SUSD4: variants seen among roughly 807,000 people sequenced by gnomAD.
SUSD4 encodes the protein sushi domain containing 4, also known as sushi domain-containing protein 4.
In SUSD4, 41 loss-of-function variants were observed where a neutral mutation model predicts 50.5. That is an observed-to-expected ratio of 0.81 (90% CI 0.63 to 1.05). SUSD4 has a LOEUF of 1.05. SUSD4 is among the 50% of genes least tolerant of loss of function. The pLI is 0.00. For missense variants in SUSD4, 580 were observed against 634.7 expected, an observed-to-expected ratio of 0.91 and a Z score of 0.93; for synonymous variants, 257 against 257.3, an observed-to-expected ratio of 1.00 and a Z score of 0.01.
At chr1:223,351,837 T>A (rs1668385389) in intron 2 of SUSD4, among the ~76,000 whole-genome samples, 1 of 152,084 alleles carries the variant, frequency 6.6e-6, no homozygotes, top group African/African-American at 2.4e-5. Context: ...ATAGTTTCAA[T>A]GTAAACTGAA....
chr1:223,271,928 T>C (rs1009413749), intron 3 of SUSD4, among the ~76,000 whole-genome samples: 1 of 152,172 alleles, frequency 6.6e-6, no homozygotes, highest in Non-Finnish European at 1.5e-5. Context: ...TAAACTAATC[T>C]AGTCAATAGA....
At chr1:223,313,175 G>C (rs1665977590) in intron 2 of SUSD4, among the ~76,000 whole-genome samples, 1 of 152,146 alleles carries the variant, frequency 6.6e-6, no homozygotes, top group South Asian at 2.1e-4. Context: ...ATGCCAGAAA[G>C]ATCAACCATG....
At chr1:223,320,764 C>T (rs1475303340) in intron 2 of SUSD4, among the ~76,000 whole-genome samples, 1 of 152,218 alleles carries the variant, frequency 6.6e-6, no homozygotes, top group Non-Finnish European at 1.5e-5. Flanking sequence ...ATGCCCTGAG[C>T]TCAGGAAGGG....
At chr1:223,241,709 G>A (rs906824123) in intron 5 of SUSD4, among the ~76,000 whole-genome samples, 32 of 152,216 alleles carry the variant, frequency 2.1e-4, no homozygotes, top group East Asian at 1.9e-3. Flanking sequence ...TTAGACCAGC[G>A]ATGGTTGTGG....
At chr1:223,258,851 C>T (rs1179114862) in intron 5 of SUSD4, among the ~76,000 whole-genome samples, 1 of 152,102 alleles carries the variant, frequency 6.6e-6, no homozygotes, top group Non-Finnish European at 1.5e-5. Context: ...GAAAGCAGAC[C>T]AGGCATCACG....
intron 2 of SUSD4, among the ~76,000 whole-genome samples, chr1:223,322,599 G>C (rs1190802081): frequency 6.6e-6 from 1 of 152,180 alleles, no homozygotes; most frequent in Non-Finnish European, 1.5e-5. Flanking sequence ...GAGATTAGAA[G>C]GGTAGGCAGC....
At chr1:223,230,272 A>G (rs1659806267) in intron 5 of SUSD4, among the ~76,000 whole-genome samples, 1 of 152,136 alleles carries the variant, frequency 6.6e-6, no homozygotes, top group African/African-American at 2.4e-5. Context: ...TTCTTGGATG[A>G]GGACTCAGAA....
At chr1:223,348,564 T>C (rs1386996584) in intron 2 of SUSD4, among the ~76,000 whole-genome samples, 1 of 152,190 alleles carries the variant, frequency 6.6e-6, no homozygotes, top group Non-Finnish European at 1.5e-5. Flanking sequence ...TGTTTTCAAT[T>C]GCCTTGGTGG....
At position 223,268,602 on chromosome 1, in the gene SUSD4, G is replaced by A; in HGVS notation, c.435C>T (p.Ile145=). ...GGATCTTGAATCCTTCATGACAAGT[G>A]ATGATTAGCTTCTCTCCATGTCTAT... ...KTYRHGEKLI[I]TCHEGFKIRY... Residue 145 remains isoleucine, a synonymous_variant, in exon 4 of 9, where the codon ATC becomes ATT. Coordinates refer to ENST00000366878, the MANE Select transcript of SUSD4 (RefSeq NM_017982.4). 6.2e-7 allele frequency: 1 copy of A among 1,614,140 alleles called. No homozygotes were observed. The highest frequency in any genetic ancestry group is 8.5e-7 in the Non-Finnish European group (1 of 1,180,028).
At chr1:223,266,988 G>A (rs918098214) in intron 4 of SUSD4, among the ~76,000 whole-genome samples, 2 of 152,218 alleles carry the variant, frequency 1.3e-5, no homozygotes, top group Non-Finnish European at 2.9e-5. Flanking sequence ...CCCCTCTGTG[G>A]GACAGAGGCC....
chr1:223,345,260 C>A (rs1348750818), intron 2 of SUSD4, among the ~76,000 whole-genome samples: 7 of 152,144 alleles, frequency 4.6e-5, no homozygotes, highest in Non-Finnish European at 1.0e-4. Flanking sequence ...GCACCACTAA[C>A]CCCCTCTCTG....
At chr1:223,298,485 G>T (rs979026486) in intron 2 of SUSD4, among the ~76,000 whole-genome samples, 2 of 152,062 alleles carry the variant, frequency 1.3e-5, no homozygotes, top group African/African-American at 4.8e-5. Context: ...AGTATGGGGG[G>T]CCAGAGGTAG....
rs1322584962 is a variant in SUSD4, at chr1:223,308,436, G to A, written c.149-15785C>T. On this transcript the variant is annotated intron_variant, in intron 2 of 8. Coordinates refer to ENST00000366878, the MANE Select transcript of SUSD4 (RefSeq NM_017982.4). ...GACGCCTCCCCAGAAGCCCAGCAGA[G>A]GCTAGCATCATGCTTCCTACACAGC... Among the ~76,000 whole-genome samples, 4 of 152,206 alleles carry A rather than the reference G, an allele frequency of 2.6e-5. No homozygotes were observed. In the East Asian group the frequency reaches 7.7e-4, roughly 29 times the overall value.
In SUSD4 at chr1:223,227,863, C is replaced by T; in HGVS notation, c.917-125G>A. ...ATGCGTGCAAGGTGCCTCTGACCCC[C>T]AGGGCTCGGCAGAGATACCATGTGC... On this transcript the variant is annotated intron_variant, in intron 6 of 8. Coordinates refer to ENST00000366878, the MANE Select transcript of SUSD4 (RefSeq NM_017982.4). This position sits in a 1 kb window ranked among gnomAD's most constrained non-coding sequence, Gnocchi z 4.5. The T allele has an allele frequency of 8.1e-7, 1 of 1,235,234 alleles. No homozygotes were observed. The highest frequency in any genetic ancestry group is 1.6e-5 in the South Asian group (1 of 64,466). 76.5% of individuals were successfully genotyped at this position (1,235,234 alleles called of 1,614,324 possible).
intron 2 of SUSD4, among the ~76,000 whole-genome samples, chr1:223,301,803 G>A (rs1380855609): frequency 1.3e-5 from 2 of 152,198 alleles, no homozygotes; most frequent in Admixed American, 6.5e-5. Flanking sequence ...GAACTAAAAT[G>A]AACCGTGTCA....
intron 2 of SUSD4, among the ~76,000 whole-genome samples, chr1:223,350,110 G>C (rs1399136406): frequency 6.6e-6 from 1 of 152,158 alleles, no homozygotes; most frequent in Non-Finnish European, 1.5e-5. Context: ...CAGCCGTGCT[G>C]GCACCTTGAT....
chr1:223,299,397 A>C (rs1665040332), intron 2 of SUSD4, among the ~76,000 whole-genome samples: 1 of 152,224 alleles, frequency 6.6e-6, no homozygotes. Flanking sequence ...TGGAGAAGAG[A>C]AAAGAGTTCA....
chr1:223,254,545 T>C (rs1306263876), intron 5 of SUSD4, among the ~76,000 whole-genome samples: 1 of 152,090 alleles, frequency 6.6e-6, no homozygotes, highest in Non-Finnish European at 1.5e-5. Flanking sequence ...CCATCTATCA[T>C]GTTGGGAATC....
chr1:223,286,470 A>C (rs1664148989), intron 3 of SUSD4, among the ~76,000 whole-genome samples: 1 of 151,972 alleles, frequency 6.6e-6, no homozygotes, highest in Non-Finnish European at 1.5e-5. Flanking sequence ...AGGCTGGTCT[A>C]GAACTCCTGG....
Sources: allele counts gnomAD v4.1 joint callset (sites outside exome capture counted in the v4.1 genomes callset), GRCh38; gene constraint gnomAD v4.1.1; non-coding constraint Gnocchi (gnomAD v3.1); transcripts MANE v1.5; gene names NCBI Gene and HGNC (gene_info 2026-07-23, HGNC 2026-07-21).